TMC1: variants seen among roughly 807,000 people sequenced by gnomAD.
The protein encoded by TMC1 is transmembrane channel-like protein 1.
TMC1 carries 84 observed loss-of-function variants against 105.8 expected under a neutral mutation model. The observed-to-expected ratio is 0.79, with a 90% CI of 0.67 to 0.95. The LOEUF is 0.95. TMC1 is among the 40% of genes least tolerant of loss of function. The pLI is 0.00. For synonymous variants in TMC1, 315 were observed against 311.5 expected (o/e 1.01, Z -0.12); for missense variants, 817 against 914.1 (o/e 0.89, Z 1.37).
intron 10 of TMC1, among the ~76,000 whole-genome samples, chr9:72,743,044 T>G (rs976607270): frequency 2.0e-5 from 3 of 151,968 alleles, no homozygotes; most frequent in Non-Finnish European, 4.4e-5. Context: ...GAGACCAGCC[T>G]GGCCAGCGTG....
intron 13 of TMC1, among the ~76,000 whole-genome samples, chr9:72,787,387 A>C (rs185986863): frequency 2.6e-5 from 4 of 152,188 alleles, no homozygotes; most frequent in Admixed American, 1.3e-4. Context: ...GGGAATGTAG[A>C]TGATCTAGAG....
intron 1 of TMC1, among the ~76,000 whole-genome samples, chr9:72,548,567 A>T (rs1286697039): frequency 1.7e-5 from 2 of 115,084 alleles, no homozygotes; most frequent in African/African-American, 4.5e-5. Context: ...ACTCTGTCTT[A>T]AAAAAAAAAA....
intron 12 of TMC1, among the ~76,000 whole-genome samples, chr9:72,761,580 C>T (rs1827755758): frequency 6.6e-6 from 1 of 152,146 alleles, no homozygotes; most frequent in Non-Finnish European, 1.5e-5. Flanking sequence ...TAGGTACATA[C>T]ATTAAATTTT....
At chr9:72,769,506 G>A (rs1185478406) in intron 12 of TMC1, among the ~76,000 whole-genome samples, 2 of 152,182 alleles carry the variant, frequency 1.3e-5, no homozygotes, top group African/African-American at 4.8e-5. Flanking sequence ...AGAGATGTCC[G>A]CATGTCTCCA....
At position 72,578,021 on chromosome 9, in the gene TMC1, C is replaced by G. The variant is rs1236167238; in HGVS notation, c.-308C>G. 3 of 152,122 alleles carry G rather than the reference C, an allele frequency of 2.0e-5. No individual in the cohort carries two copies. The highest frequency in any genetic ancestry group is 1.3e-4 in the Admixed American group (2 of 15,264). 9.4% of individuals were successfully genotyped at this position (152,122 alleles called of 1,614,324 possible). ...TCGGCCTCCTGAGTAGCTGGGATTT[C>G]AGGTATGCCTCACCATGCCTGGCTG... On this transcript the variant is annotated splice_region_variant and 5_prime_UTR_variant, in exon 2 of 24. Coordinates refer to ENST00000297784, the MANE Select transcript of TMC1 (RefSeq NM_138691.3).
intron 1 of TMC1, among the ~76,000 whole-genome samples, chr9:72,570,230 A>AGTGTGTGTGT (rs3223165): frequency 0.077 from 11,136 of 145,520 alleles, 453 homozygotes; most frequent in Non-Finnish European, 0.087. Flanking sequence ...CTCAAAGAGT[A>AGTGTGTGTGT]GTGTGTGTGT....
At chr9:72,529,975 G>T (rs1823471947) in intron 1 of TMC1, among the ~76,000 whole-genome samples, 1 of 152,084 alleles carries the variant, frequency 6.6e-6, no homozygotes, top group Non-Finnish European at 1.5e-5. Flanking sequence ...TGTCAGTGAA[G>T]GTCAGAGAGG....
chr9:72,707,059 G>A (rs927354448), intron 8 of TMC1, among the ~76,000 whole-genome samples: 11 of 152,204 alleles, frequency 7.2e-5, no homozygotes, highest in African/African-American at 1.2e-4. Flanking sequence ...ACAGGCGTAA[G>A]CCACCATGCC....
At chr9:72,743,274 G>A (rs1479067171) in intron 10 of TMC1, among the ~76,000 whole-genome samples, 1 of 150,264 alleles carries the variant, frequency 6.7e-6, no homozygotes, top group East Asian at 1.9e-4. Context: ...GGCTGAGGCA[G>A]GAGAATGGCG....
intron 2 of TMC1, among the ~76,000 whole-genome samples, chr9:72,602,790 C>G (rs1308825942): frequency 1.3e-5 from 2 of 152,118 alleles, no homozygotes; most frequent in African/African-American, 2.4e-5. Context: ...GAGATGAATG[C>G]TGTTCTTTGA....
At chr9:72,686,233 G>A (rs1011521280) in intron 5 of TMC1, among the ~76,000 whole-genome samples, 1 of 152,106 alleles carries the variant, frequency 6.6e-6, no homozygotes, top group Non-Finnish European at 1.5e-5. Context: ...CAGGAGACAA[G>A]GTTATTTTTA....
At chr9:72,827,475 CTTG>C (rs1048991958) in intron 21 of TMC1, among the ~76,000 whole-genome samples, 1 of 152,112 alleles carries the variant, frequency 6.6e-6, no homozygotes, top group African/African-American at 2.4e-5. Context: ...TTTCACTGTC[CTTG>C]TTGTTAGAGG....
chr9:72,743,307 C>A (rs2118026970), intron 10 of TMC1, among the ~76,000 whole-genome samples: 1 of 148,670 alleles, frequency 6.7e-6, no homozygotes, highest in African/African-American at 2.5e-5. Flanking sequence ...GCGGAGCTTG[C>A]AGTGAGCCGA....
intron 5 of TMC1, among the ~76,000 whole-genome samples, chr9:72,685,902 C>G (rs1468668523): frequency 6.6e-6 from 1 of 152,146 alleles, no homozygotes; most frequent in Non-Finnish European, 1.5e-5. Context: ...ACTCTTCTGG[C>G]CACTTGGTCA....
chr9:72,674,790 C>T (rs929498907), intron 5 of TMC1, among the ~76,000 whole-genome samples: 3 of 152,130 alleles, frequency 2.0e-5, no homozygotes, highest in African/African-American at 7.2e-5. Flanking sequence ...GAATTCAACA[C>T]CACAGAATGA....
chr9:72,755,462 A>G (rs1184424131), intron 12 of TMC1, among the ~76,000 whole-genome samples: 2 of 152,226 alleles, frequency 1.3e-5, no homozygotes, highest in African/African-American at 4.8e-5. Context: ...TAACTTTTAA[A>G]TAATACTAAA....
intron 13 of TMC1, among the ~76,000 whole-genome samples, chr9:72,785,440 T>C (rs947409956): frequency 8.5e-5 from 13 of 152,146 alleles, no homozygotes; most frequent in South Asian, 8.3e-4. Context: ...GCAACCTCAG[T>C]GTATGATTTT....
At chr9:72,816,307 C>A in intron 19 of TMC1, 97 bp downstream of exon 19, 2 of 1,181,414 alleles carry the variant, frequency 1.7e-6, no homozygotes, top group East Asian at 2.4e-5. Context: ...AGAATACAAT[C>A]GGTGTCTAAC....
At chr9:72,764,539 A>G (rs757331952) in intron 12 of TMC1, among the ~76,000 whole-genome samples, 20 of 152,174 alleles carry the variant, frequency 1.3e-4, no homozygotes, top group Non-Finnish European at 2.8e-4. Context: ...GAGTTTTTCC[A>G]GTTTCAGTGT....
Sources: allele counts gnomAD v4.1 joint callset (sites outside exome capture counted in the v4.1 genomes callset), GRCh38; gene constraint gnomAD v4.1.1; transcripts MANE v1.5; gene names NCBI Gene and HGNC (gene_info 2026-07-23, HGNC 2026-07-21).